BCL2L13: variants seen among roughly 807,000 people sequenced by gnomAD.
The protein encoded by BCL2L13 is bcl-2-like protein 13.
BCL2L13 carries 13 observed loss-of-function variants against 25.8 expected under a neutral mutation model. The observed-to-expected ratio is 0.50, with a 90% CI of 0.33 to 0.80. The LOEUF is 0.80. Ranked by LOEUF, BCL2L13 falls within the 30% of genes least tolerant of loss-of-function variation. BCL2L13 has a pLI of 0.02. For synonymous variants in BCL2L13, 244 were observed against 230.3 expected (o/e 1.06, Z -0.54); for missense variants, 504 against 574.9 (o/e 0.88, Z 1.26).
At chr22:17,706,739 T>TC (rs764238885) in intron 6 of BCL2L13, 8 of 1,351,964 alleles carry the variant, frequency 5.9e-6, no homozygotes, top group South Asian at 1.1e-5. Context: ...GCTCCCTCCC[T>TC]CCTCATTCTC....
intron 5 of BCL2L13, 51 bp from the exon 6 acceptor site, chr22:17,702,192 C>T (rs1406072355): frequency 7.0e-7 from 1 of 1,420,388 alleles, no homozygotes; most frequent in Non-Finnish European, 9.6e-7. Context: ...ATATAAAACA[C>T]ATTATAAGAA....
At chr22:17,655,335 C>CT (rs2058820883) in intron 1 of BCL2L13, among the ~76,000 whole-genome samples, 1 of 149,508 alleles carries the variant, frequency 6.7e-6, no homozygotes, top group Non-Finnish European at 1.5e-5. Context: ...GGAGTATACT[C>CT]TAACAATAAA....
At chr22:17,686,041 G>C (rs2059927842) in intron 3 of BCL2L13, among the ~76,000 whole-genome samples, 1 of 151,196 alleles carries the variant, frequency 6.6e-6, no homozygotes, top group Non-Finnish European at 1.5e-5. Flanking sequence ...CAAAGTGCTG[G>C]GATTACAGGC....
intron 1 of BCL2L13, among the ~76,000 whole-genome samples, chr22:17,631,782 C>T (rs1368800799): frequency 7.0e-5 from 9 of 129,458 alleles, no homozygotes; most frequent in South Asian, 2.7e-4. Flanking sequence ...AGTGCAGTGG[C>T]GCAGTCTCAG....
intron 2 of BCL2L13, among the ~76,000 whole-genome samples, chr22:17,666,376 T>C (rs1358279804): frequency 5.9e-5 from 9 of 152,122 alleles, no homozygotes; most frequent in Admixed American, 2.0e-4. Context: ...TCAGTTACTC[T>C]TTAAGTTATT....
At chr22:17,698,298 A>G (rs1184455194) in intron 5 of BCL2L13, among the ~76,000 whole-genome samples, 2 of 151,986 alleles carry the variant, frequency 1.3e-5, no homozygotes, top group African/African-American at 4.8e-5. Flanking sequence ...TACTTTTAGT[A>G]GAGACAGGGT....
At chr22:17,636,610 G>A (rs927611443), upstream of BCL2L13, among the ~76,000 whole-genome samples, 2 of 151,764 alleles carry the variant, frequency 1.3e-5, no homozygotes, top group Non-Finnish European at 2.9e-5. Flanking sequence ...CCAACATGGC[G>A]AAACCCTATC....
chr22:17,713,646 G>A (rs2060826432), intron 6 of BCL2L13, among the ~76,000 whole-genome samples: 1 of 151,596 alleles, frequency 6.6e-6, no homozygotes, highest in Non-Finnish European at 1.5e-5. Context: ...ATTTTTAGTA[G>A]AGATGGGGTT....
rs1332850358 is a variant in BCL2L13 at position 17,726,984 on chromosome 22, C to G, written c.908C>G (p.Ser303Cys). The change falls in exon 7 of 7, where the codon TCT becomes TGT. Residue 303 changes from serine (S) to cysteine (C), a missense_variant. Ser to Cys is a moderately radical substitution (Grantham distance 112). Coordinates refer to ENST00000317582, the MANE Select transcript of BCL2L13 (RefSeq NM_015367.4). ...GGAGAGAAGAGTGAGAACAACTCCT[C>G]TAATTCTGACATTGTGCACGTGGAG... ...GAGEKSENNS[S>C]NSDIVHVEKE... The G allele has an allele frequency of 6.2e-7, 1 of 1,614,168 alleles. No homozygotes were observed. The highest frequency in any genetic ancestry group is 8.5e-7 in the Non-Finnish European group (1 of 1,180,034).
chr22:17,690,290 C>T (rs2060067662), intron 4 of BCL2L13, among the ~76,000 whole-genome samples: 1 of 152,010 alleles, frequency 6.6e-6, no homozygotes, highest in Non-Finnish European at 1.5e-5. Context: ...CATGCCATTG[C>T]ACTCCAGCCT....
intron 6 of BCL2L13, 44 bp from the exon 7 acceptor site, chr22:17,726,633 A>G (rs772429429): frequency 2.6e-6 from 4 of 1,568,596 alleles, no homozygotes; most frequent in South Asian, 2.4e-5. Flanking sequence ...TATGTTTTAA[A>G]TAGTTACCAT....
intron 2 of BCL2L13, among the ~76,000 whole-genome samples, chr22:17,666,019 A>C (rs2059220420): frequency 6.6e-6 from 1 of 152,062 alleles, no homozygotes. Flanking sequence ...AAAAGAATAT[A>C]TTTTGTTTTA....
chr22:17,664,080 C>T (rs948967033), intron 2 of BCL2L13, among the ~76,000 whole-genome samples: 1 of 152,120 alleles, frequency 6.6e-6, no homozygotes, highest in Non-Finnish European at 1.5e-5. Flanking sequence ...GACTCCTGAC[C>T]TCAGGTGACC....
intron 2 of BCL2L13, among the ~76,000 whole-genome samples, chr22:17,677,853 G>A (rs2059618903): frequency 6.6e-6 from 1 of 150,992 alleles, no homozygotes; most frequent in African/African-American, 2.4e-5. Flanking sequence ...TGGCGACAGA[G>A]CGAGACTCTG....
chr22:17,709,510 G>A (rs571500957), intron 6 of BCL2L13, among the ~76,000 whole-genome samples: 2 of 151,796 alleles, frequency 1.3e-5, no homozygotes, highest in South Asian at 4.2e-4. Context: ...CAGGAGAATT[G>A]CTTGAACCCA....
At position 17,702,243 on chromosome 22, in the gene BCL2L13, A is replaced by T; in HGVS notation, c.457A>T (p.Ile153Phe). ...TTATTCTCTCATCTTTGCATTGAAG[A>T]TTTTGGTGCCTCTGGTTTTGCTACG... Reference protein sequence around the residue: ...TTVHASGWNKILVPLVLLRQM... With the variant: ...TTVHASGWNKFLVPLVLLRQM... The change falls in exon 6 of 7, where the codon ATT becomes TTT. Residue 153 changes from isoleucine to phenylalanine, a missense_variant and splice_region_variant. Physicochemically the swap from Ile to Phe is conservative, Grantham distance 21. Transcript: ENST00000317582. 6.3e-7 allele frequency: 1 copy of T among 1,597,472 alleles called. No individual in the cohort carries two copies. The highest frequency in any genetic ancestry group is 8.5e-7 in the Non-Finnish European group (1 of 1,173,308).
At chr22:17,638,404 T>G, upstream of BCL2L13, 2 of 329,482 alleles carry the variant, frequency 6.1e-6, no homozygotes, top group African/African-American at 2.1e-5. Context: ...TTATTTGACC[T>G]GCTCCCTTGG....
In BCL2L13 at chr22:17,728,476, A is replaced by C. The variant is rs1238203366; in HGVS notation, c.*942A>C. ...TGAGGTCTCTTCAGCCCTTTTCGCTAGTGGTCACCCACCACCATGGTTACT... is the reference window on the plus strand; with the variant it reads ...TGAGGTCTCTTCAGCCCTTTTCGCTCGTGGTCACCCACCACCATGGTTACT... On this transcript the variant is annotated 3_prime_UTR_variant, in exon 7 of 7. Coordinates refer to ENST00000317582, the MANE Select transcript of BCL2L13 (RefSeq NM_015367.4). 6.6e-6 allele frequency: 1 copy of C among 152,228 alleles called. No individual in the cohort carries two copies. The highest frequency in any genetic ancestry group is 1.5e-5 in the Non-Finnish European group (1 of 68,042). The allele number at this position is 152,228 out of a possible 1,614,324, so 9.4% of individuals were successfully genotyped here. A position where few individuals can be genotyped will look rare whatever the true frequency, so the allele number is the denominator to read the frequency against.
At chr22:17,709,649 G>T (rs182466884) in intron 6 of BCL2L13, among the ~76,000 whole-genome samples, 234 of 152,294 alleles carry the variant, frequency 1.5e-3, no homozygotes, top group African/African-American at 5.2e-3. Context: ...GCCAGGCATG[G>T]TGGTGGGTTC....
Sources: allele counts gnomAD v4.1 joint callset (sites outside exome capture counted in the v4.1 genomes callset), GRCh38; gene constraint gnomAD v4.1.1; transcripts MANE v1.5; gene names NCBI Gene and HGNC (gene_info 2026-07-23, HGNC 2026-07-21).